DGKB: variants seen among roughly 807,000 people sequenced by gnomAD.
DGKB encodes 90 kDa diacylglycerol kinase.
DGKB carries 67 observed loss-of-function variants against 114.3 expected under a neutral mutation model. That is an observed-to-expected ratio of 0.59 (90% CI 0.48 to 0.72). The LOEUF (loss-of-function observed/expected upper bound fraction) is 0.72. Ranked by LOEUF, DGKB falls within the 30% of genes least tolerant of loss-of-function variation. The probability of loss-of-function intolerance (pLI) is 0.00; values close to 1 mark genes in which losing one functional copy is unlikely to be tolerated. For missense variants in DGKB, 907 were observed against 975.2 expected (o/e 0.93, Z 0.93); for synonymous variants, 398 against 323.1 (o/e 1.23, Z -2.49).
chr7:14,457,950 G>GTACTTT (rs1223890599), intron 21 of DGKB, among the ~76,000 whole-genome samples: 2 of 152,198 alleles, frequency 1.3e-5, no homozygotes, highest in Non-Finnish European at 2.9e-5. Context: ...ATGCTTAATA[G>GTACTTT]GGAAGGACTC....
chr7:14,840,155 C>T (rs1847723472), intron 2 of DGKB, among the ~76,000 whole-genome samples: 2 of 152,136 alleles, frequency 1.3e-5, no homozygotes, highest in African/African-American at 4.8e-5. Context: ...TCTTATATCC[C>T]ACAACATCTT....
At chr7:14,518,320 A>T (rs1237983154) in intron 20 of DGKB, among the ~76,000 whole-genome samples, 21 of 152,076 alleles carry the variant, frequency 1.4e-4, no homozygotes. Context: ...GAGGGTGAAG[A>T]TTAAGAGGAG....
intron 1 of DGKB, among the ~76,000 whole-genome samples, chr7:14,862,048 G>C (rs1732585635): frequency 6.6e-6 from 1 of 151,804 alleles, no homozygotes; most frequent in African/African-American, 2.4e-5. Context: ...CTTATATTTA[G>C]TCAACATGAT....
intron 1 of DGKB, among the ~76,000 whole-genome samples, chr7:14,965,034 C>CA: frequency 6.6e-6 from 1 of 152,052 alleles, no homozygotes; most frequent in Non-Finnish European, 1.5e-5. Flanking sequence ...CACAATATTT[C>CA]CTTCTTCATG....
intron 23 of DGKB, among the ~76,000 whole-genome samples, chr7:14,321,688 A>G (rs1807843861): frequency 6.6e-6 from 1 of 152,120 alleles, no homozygotes; most frequent in South Asian, 2.1e-4. Context: ...ATATTTATTT[A>G]AAGTCCAACA....
chr7:14,365,237 G>A (rs1816467626), intron 21 of DGKB, among the ~76,000 whole-genome samples: 1 of 152,018 alleles, frequency 6.6e-6, no homozygotes, highest in African/African-American at 2.4e-5. Context: ...AAGTTTTGCA[G>A]AATTTTTTTC....
In DGKB at chr7:14,336,674, T is replaced by C. The variant is rs138528881; in HGVS notation, c.2122+1841A>G. Among the ~76,000 whole-genome samples the C allele has an allele frequency of 1.3e-3, 203 of 152,220 alleles. 1 individual carries two copies. The highest frequency in any genetic ancestry group is 4.6e-3 in the African/African-American group (192 of 41,530). On this transcript the variant is annotated intron_variant, in intron 23 of 25. Coordinates refer to ENST00000402815, the MANE Select transcript of DGKB (RefSeq NM_001350709.2). ...CAGGCACTGACAGCCTATGACAATATTTGAGTCTGGTTTGTTTGTAGTTTC... is the reference window on the plus strand; with the variant it reads ...CAGGCACTGACAGCCTATGACAATACTTGAGTCTGGTTTGTTTGTAGTTTC...
intron 20 of DGKB, among the ~76,000 whole-genome samples, chr7:14,564,067 T>G (rs2128679335): frequency 6.6e-6 from 1 of 152,290 alleles, no homozygotes; most frequent in East Asian, 1.9e-4. Flanking sequence ...TGTGATGAAC[T>G]CATGGAGCTA....
intron 1 of DGKB, among the ~76,000 whole-genome samples, chr7:14,890,782 G>A (rs1337665530): frequency 6.6e-6 from 1 of 150,530 alleles, no homozygotes; most frequent in Non-Finnish European, 1.5e-5. Flanking sequence ...GCTTGTTCTT[G>A]TCAGACACCG....
chr7:14,854,301 T>C (rs1849809169), intron 1 of DGKB, among the ~76,000 whole-genome samples: 1 of 152,190 alleles, frequency 6.6e-6, no homozygotes, highest in Non-Finnish European at 1.5e-5. Context: ...AAAAGGATAA[T>C]ATAAATGATC....
chr7:14,931,770 A>C (rs370030695), intron 1 of DGKB, among the ~76,000 whole-genome samples: 39 of 152,130 alleles, frequency 2.6e-4, no homozygotes, highest in African/African-American at 9.2e-4. Context: ...GTCCTGGATT[A>C]TAAGATACAC....
At chr7:14,430,209 A>T (rs1188135472) in intron 21 of DGKB, among the ~76,000 whole-genome samples, 1 of 152,168 alleles carries the variant, frequency 6.6e-6, no homozygotes, top group Non-Finnish European at 1.5e-5. Context: ...ATGAAGTCAG[A>T]CTTGGACCAA....
At chr7:14,929,052 CACACAT>C (rs968246752) in intron 1 of DGKB, among the ~76,000 whole-genome samples, 9 of 151,608 alleles carry the variant, frequency 5.9e-5, no homozygotes, top group African/African-American at 1.7e-4. Context: ...CACACACACA[CACACAT>C]ACATATCACA....
In DGKB at chr7:14,471,188, C is replaced by CAT. The variant is rs768556223; in HGVS notation, c.1835+6971_1835+6972dup. On this transcript the variant is annotated intron_variant, in intron 21 of 25. Coordinates refer to ENST00000402815, the MANE Select transcript of DGKB (RefSeq NM_001350709.2). ...TATATATGGAATATATGTATATATA[C>CAT]ATATATGTATGGAATATATGTATAT... Among the ~76,000 whole-genome samples the CAT allele has an allele frequency of 9.4e-4, 56 of 59,414 alleles. 5 individuals carry two copies. The highest frequency in any genetic ancestry group is 5.5e-3 in the East Asian group (10 of 1,834). 39.0% of individuals were successfully genotyped at this position (59,414 alleles called of 152,430 possible).
chr7:14,690,635 C>A (rs963926718), intron 9 of DGKB, among the ~76,000 whole-genome samples: 1 of 152,290 alleles, frequency 6.6e-6, no homozygotes, highest in East Asian at 1.9e-4. Context: ...ATAATTTCTG[C>A]GATTGCATTT....
intron 23 of DGKB, among the ~76,000 whole-genome samples, chr7:14,327,769 A>G (rs1809002864): frequency 6.6e-6 from 1 of 152,144 alleles, no homozygotes. Context: ...AAAAAAGACA[A>G]CAATACCGAG....
intron 12 of DGKB, among the ~76,000 whole-genome samples, chr7:14,678,237 G>A (rs1820215654): frequency 6.6e-6 from 1 of 152,004 alleles, no homozygotes; most frequent in South Asian, 2.1e-4. Context: ...CAAGCAACAG[G>A]AGCGGGCCAC....
At chr7:14,587,855 G>C (rs554020845) in intron 17 of DGKB, among the ~76,000 whole-genome samples, 9 of 152,186 alleles carry the variant, frequency 5.9e-5, no homozygotes, top group African/African-American at 2.2e-4. Context: ...ACATTTAATA[G>C]ACAACAGTAT....
chr7:14,563,655 T>G (rs1796991940), intron 20 of DGKB, among the ~76,000 whole-genome samples: 1 of 152,062 alleles, frequency 6.6e-6, no homozygotes, highest in South Asian at 2.1e-4. Flanking sequence ...TTTTTTTTTT[T>G]TTTTAAGTTG....
Sources: allele counts gnomAD v4.1 joint callset (sites outside exome capture counted in the v4.1 genomes callset), GRCh38; gene constraint gnomAD v4.1.1; transcripts MANE v1.5; gene names NCBI Gene and HGNC (gene_info 2026-07-23, HGNC 2026-07-21).